The following GTF2E1 variants were observed in gnomAD, a reference collection of about 807,000 sequenced individuals.
GTF2E1 encodes the protein general transcription factor IIE subunit 1.
In GTF2E1, 14 loss-of-function variants were observed where a neutral mutation model predicts 34.9. The ratio of observed to expected loss-of-function variants is 0.40; its 90% CI spans 0.27 to 0.63. The LOEUF is 0.63. Ranked by LOEUF, GTF2E1 falls within the 20% of genes least tolerant of loss-of-function variation. The pLI is 0.39. For synonymous variants in GTF2E1, 188 were observed against 192.9 expected, an observed-to-expected ratio of 0.97 and a Z score of 0.21; for missense variants, 469 against 557.7, an observed-to-expected ratio of 0.84 and a Z score of 1.60.
At chr3:120,752,114 G>A (rs1293351032) in intron 2 of GTF2E1, among the ~76,000 whole-genome samples, 1 of 152,186 alleles carries the variant, frequency 6.6e-6, no homozygotes, top group East Asian at 1.9e-4. Context: ...TTTACTGTGA[G>A]GCAATGATTT....
chr3:120,778,512 C>G (rs770689364), intron 4 of GTF2E1, among the ~76,000 whole-genome samples: 4 of 152,118 alleles, frequency 2.6e-5, no homozygotes, highest in Non-Finnish European at 4.4e-5. Context: ...GTTCTAATTC[C>G]TTTTGATTCT....
chr3:120,769,676 C>T (rs1028840371), intron 2 of GTF2E1, among the ~76,000 whole-genome samples: 3 of 152,150 alleles, frequency 2.0e-5, no homozygotes, highest in Admixed American at 1.3e-4. Context: ...CGCAATTCCA[C>T]AGTGGCTTGG....
At chr3:120,773,243 G>A (rs1709367478) in intron 3 of GTF2E1, among the ~76,000 whole-genome samples, 1 of 152,102 alleles carries the variant, frequency 6.6e-6, no homozygotes, top group Non-Finnish European at 1.5e-5. Context: ...ACATCCTGGA[G>A]GTGGTATTGA....
In GTF2E1 at chr3:120,781,534, A is replaced by G. The variant is rs1366058675; in HGVS notation, c.*64A>G. 6 of 1,310,478 alleles carry G rather than the reference A, an allele frequency of 4.6e-6. No homozygotes were observed. The East Asian group carries it at 1.4e-4, about 31-fold the overall frequency. The allele number at this position is 1,310,478 out of a possible 1,614,324, so 81.2% of individuals were successfully genotyped here. On this transcript the variant is annotated 3_prime_UTR_variant, in exon 5 of 5. Transcript: ENST00000283875. ...TCAAAAAGGAATGTCTCATCTTTGA[A>G]GAAAAGTATTTAAGTGGCTTTCTGC...
rs1033037542 is a variant in GTF2E1 at position 120,781,595 on chromosome 3, A to C, written c.*125A>C. On this transcript the variant is annotated 3_prime_UTR_variant, in exon 5 of 5. Transcript: ENST00000283875. ...GTAAGCAACTGTCCATCCTTGTGCAAAGATTGATGGTAGAGAGTTTGACTT... is the reference window on the plus strand; with the variant it reads ...GTAAGCAACTGTCCATCCTTGTGCACAGATTGATGGTAGAGAGTTTGACTT... 5 of 737,364 alleles carry C rather than the reference A, an allele frequency of 6.8e-6. No individual in the cohort carries two copies. Among genetic ancestry groups the C allele is most frequent in the South Asian group, 5.7e-5 (3 of 52,600 alleles). The allele number at this position is 737,364 out of a possible 1,614,324, so 45.7% of individuals were successfully genotyped here. A position where few individuals can be genotyped will look rare whatever the true frequency, so the allele number is the denominator to read the frequency against.
chr3:120,776,695 T>C (rs540483620), intron 4 of GTF2E1, 31 bp downstream of exon 4: 5 of 1,589,982 alleles, frequency 3.1e-6, no homozygotes, highest in Non-Finnish European at 4.3e-6. Context: ...AATGGATGTG[T>C]CTTAGGTTCT....
chr3:120,768,262 G>A (rs751913131), intron 2 of GTF2E1, among the ~76,000 whole-genome samples: 1 of 152,192 alleles, frequency 6.6e-6, no homozygotes, highest in Non-Finnish European at 1.5e-5. Context: ...TGGCTTCTGA[G>A]TAAAGAACTG....
At chr3:120,757,132 T>G (rs997083011) in intron 2 of GTF2E1, among the ~76,000 whole-genome samples, 2 of 152,196 alleles carry the variant, frequency 1.3e-5, no homozygotes, top group Admixed American at 1.3e-4. Context: ...GAATTTGATT[T>G]GGGCCTAATT....
At chr3:120,776,711 A>T (rs1709404202) in intron 4 of GTF2E1, 47 bp downstream of exon 4, 10 of 1,556,860 alleles carry the variant, frequency 6.4e-6, no homozygotes, top group Non-Finnish European at 7.8e-6. Flanking sequence ...GTTCTGTAGA[A>T]CATGAACTTG....
rs571206282 is a variant in GTF2E1, at chr3:120,750,515, G to A, written c.-30-8G>A. 2.6e-5 allele frequency: 38 copies of A among 1,471,378 alleles called. No homozygotes were observed. In the South Asian group the frequency reaches 3.2e-4, roughly 12 times the overall value. 91.1% of individuals were successfully genotyped at this position (1,471,378 alleles called of 1,614,324 possible). A position where few individuals can be genotyped will look rare whatever the true frequency, so the allele number is the denominator to read the frequency against. On this transcript the variant is annotated splice_region_variant and splice_polypyrimidine_tract_variant and intron_variant, in intron 1 of 4. Transcript: ENST00000283875. ...CCTGGCTAATTTTCTGTTTTTTTTT[G>A]AATTCAGTATATTTAAAGTTGGAGT... is the stretch of plus-strand genomic sequence containing the variant.
intron 1 of GTF2E1, among the ~76,000 whole-genome samples, chr3:120,749,210 TTG>T (rs1233524518): frequency 6.6e-6 from 1 of 152,016 alleles, no homozygotes; most frequent in East Asian, 1.9e-4. Context: ...CAGAGACAAT[TTG>T]ACTTCCTCTT....
At chr3:120,766,384 A>G (rs555780535) in intron 2 of GTF2E1, among the ~76,000 whole-genome samples, 24 of 152,156 alleles carry the variant, frequency 1.6e-4, no homozygotes, top group Non-Finnish European at 3.1e-4. Flanking sequence ...TGGCTTTCCT[A>G]TTACTAAAGA....
intron 2 of GTF2E1, among the ~76,000 whole-genome samples, chr3:120,765,149 C>A (rs1043342369): frequency 3.3e-5 from 5 of 151,246 alleles, no homozygotes; most frequent in African/African-American, 1.2e-4. Flanking sequence ...TCCCCCTCAT[C>A]CCCACAATTA....
At chr3:120,746,676 G>A (rs764813081) in intron 1 of GTF2E1, among the ~76,000 whole-genome samples, 1 of 152,074 alleles carries the variant, frequency 6.6e-6, no homozygotes, top group Admixed American at 6.6e-5. Flanking sequence ...GTGTCCACCC[G>A]TAGTCTCAGC....
At chr3:120,749,465 AGTT>A in intron 1 of GTF2E1, among the ~76,000 whole-genome samples, 1 of 152,116 alleles carries the variant, frequency 6.6e-6, no homozygotes, top group Admixed American at 6.5e-5. Flanking sequence ...TAGCATGAAG[AGTT>A]GTTGAATTTT....
intron 2 of GTF2E1, 180 bp downstream of exon 2, chr3:120,751,180 C>G (rs542883097): frequency 1.5e-5 from 8 of 530,980 alleles, no homozygotes; most frequent in East Asian, 3.0e-5. Context: ...CTTTGAGAAG[C>G]CTTTGCAAAG....
chr3:120,781,808 T>G lies in GTF2E1; in HGVS notation c.*338T>G, dbSNP rs1709451405. The G allele has an allele frequency of 1.1e-5, 2 of 177,448 alleles. No homozygotes were observed. Among genetic ancestry groups the G allele is most frequent in the South Asian group, 2.3e-4 (2 of 8,540 alleles). The allele number at this position is 177,448 out of a possible 1,614,324, so 11.0% of individuals were successfully genotyped here. On this transcript the variant is annotated 3_prime_UTR_variant, in exon 5 of 5. Transcript: ENST00000283875. ...TCGGCTCACTGCAACCTCTGCCTCC[T>G]GGGTTCAAGCGATTCTCCTGCCTCA...
At chr3:120,769,298 A>G (rs545884145) in intron 2 of GTF2E1, among the ~76,000 whole-genome samples, 3 of 152,290 alleles carry the variant, frequency 2.0e-5, no homozygotes, top group South Asian at 2.1e-4. Context: ...ACCATTAGTC[A>G]AAAGCTATCA....
chr3:120,774,124 T>A (rs530153191), intron 3 of GTF2E1, among the ~76,000 whole-genome samples: 6 of 152,200 alleles, frequency 3.9e-5, no homozygotes, highest in African/African-American at 1.2e-4. Context: ...AAGATAAGGA[T>A]GTGGTTGGCC....
Sources: gnomAD v4.1 joint callset for allele counts (sites outside exome capture counted in the v4.1 genomes callset) on GRCh38, gnomAD v4.1.1 for gene constraint, MANE v1.5 for transcripts, NCBI Gene and HGNC (gene_info 2026-07-23, HGNC 2026-07-21) for gene names.